The following SHANK2 variants were observed in gnomAD, a reference collection of about 807,000 sequenced individuals.
SHANK2 encodes the protein SH3 and multiple ankyrin repeat domains protein 2.
A neutral mutation model predicts 133.7 loss-of-function variants in SHANK2; 43 were observed. That is an observed-to-expected ratio of 0.32 (90% confidence interval 0.25 to 0.41). The LOEUF (loss-of-function observed/expected upper bound fraction) is 0.41, where lower values mean the gene tolerates loss of function less well. SHANK2 is among the 10% of genes least tolerant of loss of function. The pLI, the probability that SHANK2 is intolerant of heterozygous loss-of-function variation, is 1.00. For missense variants in SHANK2, 1,994 were observed against 2,235.8 expected (o/e 0.89, Z 2.18); for synonymous variants, 1,017 against 952.8 (o/e 1.07, Z -1.24).
At chr11:70,494,342 T>C (rs909382793) in intron 21 of SHANK2, among the ~76,000 whole-genome samples, 7 of 152,160 alleles carry the variant, frequency 4.6e-5, no homozygotes, top group African/African-American at 1.7e-4. Context: ...AGATGGACTC[T>C]CACTGTCACC....
chr11:71,220,084 T>C (rs1254690318), intron 2 of SHANK2, among the ~76,000 whole-genome samples: 6 of 151,394 alleles, frequency 4.0e-5, no homozygotes, highest in Non-Finnish European at 7.4e-5. Flanking sequence ...ATTTAAAAAT[T>C]AGCCAGGCAT....
Position 70,486,050 on chromosome 11 carries a change from G to A in SHANK2, c.4243C>T (p.Leu1415=), listed in dbSNP as rs781915318. ...ATATCAAAACTATTTGCAAATTCCA[G>A]GGGAGGAGGCAATGGCTCTGTAAAA... ...FIFTEPLPPP[L]EFANSFDIPD... Residue 1415 remains leucine, a synonymous_variant, in exon 25 of 26, where the codon CTG becomes TTG. Transcript: ENST00000601538. This position sits in a 1 kb window ranked among gnomAD's most constrained non-coding sequence, Gnocchi z 8.0. The A allele has an allele frequency of 1.2e-6, 2 of 1,614,064 alleles. No individual in the cohort carries two copies. The highest frequency in any genetic ancestry group is 2.2e-5 in the South Asian group (2 of 91,072).
intron 2 of SHANK2, 70 bp from the exon 3 acceptor site, chr11:71,147,408 G>A: frequency 7.7e-7 from 1 of 1,304,490 alleles, no homozygotes; most frequent in Non-Finnish European, 1.0e-6. Context: ...GGGGCACGGT[G>A]GACACTGGCG....
At chr11:70,567,784 T>C (rs1554982188) in intron 17 of SHANK2, among the ~76,000 whole-genome samples, 2 of 152,278 alleles carry the variant, frequency 1.3e-5, no homozygotes, top group South Asian at 2.1e-4. Context: ...ACTCCAGAAC[T>C]GTGAGAGTCA....
At chr11:70,564,342 T>C (rs2059942864) in intron 17 of SHANK2, among the ~76,000 whole-genome samples, 1 of 151,868 alleles carries the variant, frequency 6.6e-6, no homozygotes, top group African/African-American at 2.4e-5. Flanking sequence ...CATTGCAACC[T>C]CCGCCTCCTG....
At chr11:70,572,186 G>C (rs781873502) in intron 17 of SHANK2, among the ~76,000 whole-genome samples, 8 of 152,236 alleles carry the variant, frequency 5.3e-5, no homozygotes, top group Non-Finnish European at 1.2e-4. Context: ...TTGAGACGGA[G>C]TCTCACTCTG....
intron 14 of SHANK2, among the ~76,000 whole-genome samples, chr11:70,711,384 C>A (rs1555026083): frequency 6.6e-6 from 1 of 152,268 alleles, no homozygotes; most frequent in Admixed American, 6.5e-5. Context: ...AGACGCCGCT[C>A]AGGCTGTGCC....
chr11:70,888,968 T>C (rs1336037235), intron 11 of SHANK2, among the ~76,000 whole-genome samples: 9 of 152,132 alleles, frequency 5.9e-5, no homozygotes, highest in African/African-American at 2.2e-4. Flanking sequence ...TCAGATACCA[T>C]CTGTCCTTGA....
intron 1 of SHANK2, among the ~76,000 whole-genome samples, chr11:71,249,124 G>A (rs1177010210): frequency 3.9e-5 from 6 of 152,100 alleles, no homozygotes; most frequent in Non-Finnish European, 7.4e-5. Flanking sequence ...CTTAGCCCTG[G>A]GGGGCTGCAG....
At chr11:70,786,402 C>A (rs530372592) in intron 14 of SHANK2, among the ~76,000 whole-genome samples, 3 of 152,252 alleles carry the variant, frequency 2.0e-5, no homozygotes, top group South Asian at 2.1e-4. Context: ...ATGGCCAGAG[C>A]CTTGGTGGTG....
intron 4 of SHANK2, among the ~76,000 whole-genome samples, chr11:71,116,214 A>T (rs1951975977): frequency 6.6e-6 from 1 of 152,222 alleles, no homozygotes; most frequent in African/African-American, 2.4e-5. Flanking sequence ...CTGAGTAGAG[A>T]ACCCACTTAG....
intron 14 of SHANK2, among the ~76,000 whole-genome samples, chr11:70,789,258 G>T (rs919674251): frequency 2.0e-5 from 3 of 152,144 alleles, no homozygotes; most frequent in Non-Finnish European, 4.4e-5. Flanking sequence ...GCTCAAATGA[G>T]GTCCTGTCTC....
At chr11:70,943,261 G>C (rs536837231) in intron 10 of SHANK2, among the ~76,000 whole-genome samples, 154 of 152,324 alleles carry the variant, frequency 1.0e-3, no homozygotes, top group Non-Finnish European at 1.8e-3. Flanking sequence ...CTCAGCAGCA[G>C]AGAGGGTGGC....
At chr11:70,616,341 G>A (rs1041456912) in intron 17 of SHANK2, among the ~76,000 whole-genome samples, 5 of 152,124 alleles carry the variant, frequency 3.3e-5, no homozygotes, top group Non-Finnish European at 5.9e-5. Flanking sequence ...ACTGGCTCCA[G>A]GGACCCCAAG....
Position 70,478,286 on chromosome 11 carries a change from C to A in SHANK2, c.4980-4847G>T, listed in dbSNP as rs989839442. On this transcript the variant is annotated intron_variant, in intron 25 of 25. Coordinates refer to ENST00000601538, the MANE Select transcript of SHANK2 (RefSeq NM_012309.5). Reference sequence around the variant, plus strand: ...CCTCTGGCATAGCTAGAGTAATCTGCTCTTTAACTGTAGCTGAACATGGGC... The same window carrying A: ...CCTCTGGCATAGCTAGAGTAATCTGATCTTTAACTGTAGCTGAACATGGGC... Among the ~76,000 whole-genome samples the A allele has an allele frequency of 5.9e-5, 9 of 151,978 alleles. No individual in the cohort carries two copies. In the East Asian group the frequency reaches 1.7e-3, roughly 29 times the overall value.
chr11:70,644,349 C>T (rs1271720880), intron 17 of SHANK2, among the ~76,000 whole-genome samples: 1 of 152,168 alleles, frequency 6.6e-6, no homozygotes, highest in Non-Finnish European at 1.5e-5. Flanking sequence ...GCCCCCGACA[C>T]CCACCATCCT....
intron 15 of SHANK2, among the ~76,000 whole-genome samples, chr11:70,690,773 T>A (rs1945273175): frequency 6.6e-6 from 1 of 151,410 alleles, no homozygotes; most frequent in Non-Finnish European, 1.5e-5. Context: ...AGAGAGAAGT[T>A]TAAGAATGTT....
chr11:70,596,980 C>T (rs997150719), intron 17 of SHANK2, among the ~76,000 whole-genome samples: 2 of 152,180 alleles, frequency 1.3e-5, no homozygotes, highest in Non-Finnish European at 2.9e-5. Context: ...ATGAACAAAG[C>T]TGCATACTTG....
intron 17 of SHANK2, among the ~76,000 whole-genome samples, chr11:70,575,444 G>A (rs1044666941): frequency 3.3e-5 from 5 of 151,338 alleles, no homozygotes; most frequent in African/African-American, 4.9e-5. Context: ...GCTTGAACCC[G>A]GGAGGCAGAG....
Sources: allele counts gnomAD v4.1 joint callset (sites outside exome capture counted in the v4.1 genomes callset), GRCh38; gene constraint gnomAD v4.1.1; non-coding constraint Gnocchi (gnomAD v3.1); transcripts MANE v1.5; gene names NCBI Gene and HGNC (gene_info 2026-07-23, HGNC 2026-07-21).